SOX5: variants seen among roughly 807,000 people sequenced by gnomAD.
The protein encoded by SOX5 is SRY-box transcription factor 5.
In SOX5, 9 loss-of-function variants were observed where a neutral mutation model predicts 92.0. The ratio of observed to expected loss-of-function variants is 0.10; its 90% CI spans 0.06 to 0.17. The LOEUF (loss-of-function observed/expected upper bound fraction) is 0.17. Among genes scored for constraint, SOX5 ranks in the 10% least tolerant of loss-of-function variants. SOX5 has a pLI of 1.00. For missense variants in SOX5, 642 were observed against 944.5 expected (o/e 0.68, Z 4.20); for synonymous variants, 344 against 336.3 (o/e 1.02, Z -0.25).
intron 4 of SOX5, among the ~76,000 whole-genome samples, chr12:24,037,587 G>A (rs921881448): frequency 3.3e-5 from 5 of 152,080 alleles, no homozygotes; most frequent in South Asian, 4.1e-4. Flanking sequence ...AATATCAAAT[G>A]CACTAAGAAG....
At position 23,989,609 on chromosome 12, in the gene SOX5, G is replaced by A. The variant is rs75914972; in HGVS notation, c.-1-93585C>T. Among the ~76,000 whole-genome samples the A allele has an allele frequency of 3.5e-3, 527 of 152,224 alleles. 2 individuals carry two copies. Among genetic ancestry groups the A allele is most frequent in the African/African-American group, 0.012 (490 of 41,552 alleles). On this transcript the variant is annotated intron_variant, in intron 4 of 4. Transcript: ENST00000446891. ...ACATTAGGAGGTGTGACCTTTGAGAGGTACTTAGAATTAGATGAGGTCATG... is the reference window on the plus strand; with the variant it reads ...ACATTAGGAGGTGTGACCTTTGAGAAGTACTTAGAATTAGATGAGGTCATG...
At chr12:24,178,682 C>G in intron 4 of SOX5, among the ~76,000 whole-genome samples, 1 of 152,228 alleles carries the variant, frequency 6.6e-6, no homozygotes, top group Non-Finnish European at 1.5e-5. Flanking sequence ...TCTTGTTTTC[C>G]TCCTAAAAAC....
intron 11 of SOX5, among the ~76,000 whole-genome samples, chr12:23,555,476 T>G (rs1944992157): frequency 6.6e-6 from 1 of 151,072 alleles, no homozygotes; most frequent in African/African-American, 2.4e-5. Context: ...CCATAAAAAG[T>G]TTACTGGAAA....
At chr12:23,836,400 A>C (rs1180421833) in intron 3 of SOX5, among the ~76,000 whole-genome samples, 1 of 152,094 alleles carries the variant, frequency 6.6e-6, no homozygotes, top group Admixed American at 6.6e-5. Context: ...CTTCTGATAG[A>C]AAAAAAGATG....
chr12:24,430,560 G>T (rs965834157), intron 1 of SOX5, among the ~76,000 whole-genome samples: 1 of 151,998 alleles, frequency 6.6e-6, no homozygotes, highest in South Asian at 2.1e-4. Context: ...ACACATAAAT[G>T]TAGTTATGAT....
At chr12:23,547,158 A>C (rs1943299010) in intron 11 of SOX5, among the ~76,000 whole-genome samples, 1 of 152,206 alleles carries the variant, frequency 6.6e-6, no homozygotes, top group South Asian at 2.1e-4. Flanking sequence ...ATTATTTTTA[A>C]GAAAAATATA....
chr12:24,449,582 T>C lies in SOX5; in HGVS notation c.-250-80943A>G, dbSNP rs1222336385. On this transcript the variant is annotated intron_variant, in intron 1 of 4. Coordinates refer to the SOX5 transcript ENST00000446891. ...GAGTTTTCTGAGAACAGGAACCTTGTGCAGCTTATTTACAGCTGTAGCATC... is the reference window on the plus strand; with the variant it reads ...GAGTTTTCTGAGAACAGGAACCTTGCGCAGCTTATTTACAGCTGTAGCATC... Among the ~76,000 whole-genome samples the C allele has an allele frequency of 2.6e-5, 4 of 152,358 alleles. 1 individual carries two copies. The East Asian group carries it at 5.8e-4, about 22-fold the overall frequency.
chr12:24,091,559 A>C (rs745819857), intron 4 of SOX5, among the ~76,000 whole-genome samples: 10 of 151,046 alleles, frequency 6.6e-5, no homozygotes, highest in Non-Finnish European at 1.5e-4. Flanking sequence ...CCTCCCAAGT[A>C]GCTGGGATTA....
At chr12:24,504,877 C>CT (rs1437558673) in intron 1 of SOX5, among the ~76,000 whole-genome samples, 1 of 152,140 alleles carries the variant, frequency 6.6e-6, no homozygotes, top group Non-Finnish European at 1.5e-5. Context: ...GCTACTCTCA[C>CT]TTTTTTTGTT....
chr12:24,366,721 TC>T (rs1477933397), intron 2 of SOX5, among the ~76,000 whole-genome samples: 1 of 152,044 alleles, frequency 6.6e-6, no homozygotes, highest in Non-Finnish European at 1.5e-5. Context: ...TAGTGTAAAT[TC>T]CCCCCTGTAC....
chr12:24,015,188 G>A (rs777238495), intron 4 of SOX5, among the ~76,000 whole-genome samples: 6 of 151,692 alleles, frequency 4.0e-5, no homozygotes, highest in African/African-American at 7.3e-5. Context: ...ATTGTTCCTC[G>A]CAGATGGAAG....
At chr12:23,597,733 T>A (rs1952707913) in intron 9 of SOX5, among the ~76,000 whole-genome samples, 2 of 152,196 alleles carry the variant, frequency 1.3e-5, no homozygotes, top group Non-Finnish European at 2.9e-5. Context: ...CCATATTACA[T>A]CTCAAAGGCT....
At chr12:23,567,722 C>T (rs1324789573) in intron 10 of SOX5, among the ~76,000 whole-genome samples, 2 of 152,038 alleles carry the variant, frequency 1.3e-5, no homozygotes, top group African/African-American at 4.8e-5. Flanking sequence ...TCCCAAAGTG[C>T]TAGGATTACA....
chr12:23,726,666 A>C (rs1465459411), intron 6 of SOX5, among the ~76,000 whole-genome samples: 1 of 152,182 alleles, frequency 6.6e-6, no homozygotes, highest in East Asian at 1.9e-4. Flanking sequence ...TGGACTACAG[A>C]GCCTCAGTGA....
intron 1 of SOX5, among the ~76,000 whole-genome samples, chr12:24,409,798 C>A (rs1963728824): frequency 6.6e-6 from 1 of 152,170 alleles, no homozygotes; most frequent in Non-Finnish European, 1.5e-5. Context: ...TGTATATCTT[C>A]TCCCAAGAAA....
At chr12:24,202,843 T>C (rs1178937585) in intron 4 of SOX5, among the ~76,000 whole-genome samples, 1 of 152,224 alleles carries the variant, frequency 6.6e-6, no homozygotes, top group Non-Finnish European at 1.5e-5. Flanking sequence ...GATGTTAACT[T>C]TGATCATTTG....
At chr12:23,911,032 A>G (rs1358662363) in intron 1 of SOX5, among the ~76,000 whole-genome samples, 1 of 152,040 alleles carries the variant, frequency 6.6e-6, no homozygotes, top group Non-Finnish European at 1.5e-5. Flanking sequence ...ATTTTTTCTT[A>G]TGAAACAGAT....
Position 23,642,901 on chromosome 12 carries a change from A to C in SOX5, c.932-2004T>G, listed in dbSNP as rs1430001251. On this transcript the variant is annotated intron_variant, in intron 7 of 14. Coordinates refer to ENST00000451604, the MANE Select transcript of SOX5 (RefSeq NM_006940.6). ...AGGAGATCGAGACCATCCCGGCTAA[A>C]ACGGTGAAACCCCGTCTCTACTAAA... is the stretch of plus-strand genomic sequence containing the variant. Among the ~76,000 whole-genome samples, 30 of 142,458 alleles carry C rather than the reference A, an allele frequency of 2.1e-4. 2 individuals are homozygous for C. The highest frequency in any genetic ancestry group is 7.2e-4 in the African/African-American group (29 of 40,274). 93.5% of individuals were successfully genotyped at this position (142,458 alleles called of 152,430 possible). A position where few individuals can be genotyped will look rare whatever the true frequency, so the allele number is the denominator to read the frequency against.
chr12:24,180,472 T>C (rs998312089), intron 4 of SOX5, among the ~76,000 whole-genome samples: 1 of 152,194 alleles, frequency 6.6e-6, no homozygotes. Flanking sequence ...AATAAGCTTC[T>C]AAGTCCTAAG....
Sources: allele counts gnomAD v4.1 joint callset (sites outside exome capture counted in the v4.1 genomes callset), GRCh38; gene constraint gnomAD v4.1.1; transcripts MANE v1.5; gene names NCBI Gene and HGNC (gene_info 2026-07-23, HGNC 2026-07-21).